The following GABRB1 variants were observed in gnomAD, a reference collection of about 807,000 sequenced individuals.
GABRB1 encodes gamma-aminobutyric acid type A receptor subunit beta1.
Under a neutral mutation model 51.6 loss-of-function variants are expected in GABRB1, and 17 were observed. The ratio of observed to expected loss-of-function variants is 0.33; its 90% CI spans 0.23 to 0.49. The LOEUF is 0.49. Ranked by LOEUF, GABRB1 falls within the 20% of genes least tolerant of loss-of-function variation. The probability of loss-of-function intolerance (pLI) is 0.99; values close to 1 mark genes in which losing one functional copy is unlikely to be tolerated. For missense variants in GABRB1, 410 were observed against 600.6 expected (o/e 0.68, Z 3.32); for synonymous variants, 247 against 218.9 (o/e 1.13, Z -1.14).
At chr4:47,132,382 T>TTTTGGTTTGTTTTGG (rs1716456482) in intron 3 of GABRB1, among the ~76,000 whole-genome samples, 9 of 113,522 alleles carry the variant, frequency 7.9e-5, no homozygotes, top group Non-Finnish European at 1.6e-4. Flanking sequence ...CGTTTGTTTG[T>TTTTGGTTTGTTTTGG]TTTGGTTTGT....
At chr4:47,363,756 T>C (rs1230816014) in intron 5 of GABRB1, among the ~76,000 whole-genome samples, 1 of 152,186 alleles carries the variant, frequency 6.6e-6, no homozygotes, top group Non-Finnish European at 1.5e-5. Flanking sequence ...TGCTCCTTTC[T>C]TAATGTTTCC....
At chr4:47,272,701 C>G (rs1722919444) in intron 4 of GABRB1, among the ~76,000 whole-genome samples, 1 of 152,152 alleles carries the variant, frequency 6.6e-6, no homozygotes, top group South Asian at 2.1e-4. Flanking sequence ...GTTTTCCTTA[C>G]AAACACTATC....
At chr4:47,210,410 G>A (rs1162762296) in intron 4 of GABRB1, among the ~76,000 whole-genome samples, 1 of 151,962 alleles carries the variant, frequency 6.6e-6, no homozygotes, top group African/African-American at 2.4e-5. Context: ...GCAGCGGAAG[G>A]GAAGTCTCTC....
At chr4:47,034,256 C>T (rs1268940958) in intron 3 of GABRB1, among the ~76,000 whole-genome samples, 3 of 151,972 alleles carry the variant, frequency 2.0e-5, no homozygotes, top group African/African-American at 4.8e-5. Flanking sequence ...TTGACATACC[C>T]CTTTTCAGTT....
At chr4:47,226,356 A>G (rs1162176121) in intron 4 of GABRB1, among the ~76,000 whole-genome samples, 1 of 152,162 alleles carries the variant, frequency 6.6e-6, no homozygotes, top group Non-Finnish European at 1.5e-5. Flanking sequence ...AGTTTTAGCT[A>G]CCCATGACAA....
chr4:47,147,139 T>A (rs545210778), intron 3 of GABRB1, among the ~76,000 whole-genome samples: 40 of 152,214 alleles, frequency 2.6e-4, no homozygotes, highest in African/African-American at 9.1e-4. Flanking sequence ...ATTTACATCT[T>A]ATCCTTTACC....
chr4:47,373,055 C>T (rs1727262323), intron 5 of GABRB1, among the ~76,000 whole-genome samples: 1 of 152,154 alleles, frequency 6.6e-6, no homozygotes, highest in South Asian at 2.1e-4. Context: ...GTCAGTAAGT[C>T]TTTGCCTGAG....
intron 3 of GABRB1, among the ~76,000 whole-genome samples, chr4:47,034,364 A>G (rs1725462663): frequency 6.6e-6 from 1 of 152,170 alleles, no homozygotes; most frequent in Non-Finnish European, 1.5e-5. Flanking sequence ...TTCATACATA[A>G]GCTCAGAACA....
At chr4:47,157,738 A>G (rs1238648561) in intron 3 of GABRB1, among the ~76,000 whole-genome samples, 1 of 152,106 alleles carries the variant, frequency 6.6e-6, no homozygotes, top group Non-Finnish European at 1.5e-5. Flanking sequence ...CATAATGTTC[A>G]TTATTATCAT....
intron 4 of GABRB1, among the ~76,000 whole-genome samples, chr4:47,189,771 C>T (rs898748140): frequency 2.0e-5 from 3 of 151,988 alleles, no homozygotes; most frequent in African/African-American, 7.2e-5. Context: ...TTTTTATTCA[C>T]CTTTCTTTCC....
At chr4:47,086,278 A>G (rs1728055160) in intron 3 of GABRB1, among the ~76,000 whole-genome samples, 1 of 152,216 alleles carries the variant, frequency 6.6e-6, no homozygotes, top group Non-Finnish European at 1.5e-5. Context: ...CATGGTCAAC[A>G]GGAATTAGTT....
chr4:47,202,686 G>T (rs1719940302), intron 4 of GABRB1, among the ~76,000 whole-genome samples: 1 of 152,082 alleles, frequency 6.6e-6, no homozygotes. Flanking sequence ...TTTCCTTTGT[G>T]GGGCAAACAC....
chr4:47,261,675 A>G (rs1196019288), intron 4 of GABRB1, among the ~76,000 whole-genome samples: 4 of 151,914 alleles, frequency 2.6e-5, no homozygotes, highest in African/African-American at 9.7e-5. Flanking sequence ...CTTTCTTCAC[A>G]GAATTGGAAA....
chr4:47,120,871 C>T (rs1237683176), intron 3 of GABRB1, among the ~76,000 whole-genome samples: 2 of 152,008 alleles, frequency 1.3e-5, no homozygotes, highest in Non-Finnish European at 2.9e-5. Context: ...TTTTACTCTC[C>T]CCTCTCCTCT....
intron 3 of GABRB1, among the ~76,000 whole-genome samples, chr4:47,108,237 C>T (rs1475230833): frequency 1.3e-5 from 2 of 151,966 alleles, no homozygotes; most frequent in Non-Finnish European, 2.9e-5. Flanking sequence ...TAAAAGAATA[C>T]TTTTAGCTTA....
chr4:47,296,180 C>A (rs1432673539), intron 4 of GABRB1, among the ~76,000 whole-genome samples: 4 of 152,140 alleles, frequency 2.6e-5, no homozygotes, highest in Non-Finnish European at 5.9e-5. Context: ...ACCATCGAGG[C>A]TAGGAAGAAA....
At chr4:47,403,865 G>A (rs1031060126) in intron 7 of GABRB1, among the ~76,000 whole-genome samples, 154 bp downstream of exon 7, 1 of 152,174 alleles carries the variant, frequency 6.6e-6, no homozygotes, top group Non-Finnish European at 1.5e-5. Context: ...ATGTAAGAAT[G>A]TCCACAACGA....
intron 4 of GABRB1, among the ~76,000 whole-genome samples, chr4:47,237,408 A>T (rs1721367765): frequency 6.6e-6 from 1 of 152,070 alleles, no homozygotes; most frequent in Admixed American, 6.5e-5. Flanking sequence ...AGAAACATGC[A>T]AAGTATTGAC....
intron 4 of GABRB1, among the ~76,000 whole-genome samples, chr4:47,300,119 T>TTAGGAGATATA (rs1187737834): frequency 6.7e-6 from 1 of 148,740 alleles, no homozygotes; most frequent in Non-Finnish European, 1.5e-5. Context: ...AGGGATAGCA[T>TTAGGAGATATA]TAGGAGATAT....
Sources: allele counts gnomAD v4.1 joint callset (sites outside exome capture counted in the v4.1 genomes callset), GRCh38; gene constraint gnomAD v4.1.1; transcripts MANE v1.5; gene names NCBI Gene and HGNC (gene_info 2026-07-23, HGNC 2026-07-21).